STOX2: variants seen among roughly 807,000 people sequenced by gnomAD.
The protein encoded by STOX2 is storkhead-box protein 2.
In STOX2, 28 loss-of-function variants were observed where a neutral mutation model predicts 60.9. That is an observed-to-expected ratio of 0.46 (90% CI 0.34 to 0.63). The LOEUF (loss-of-function observed/expected upper bound fraction) is 0.63, where lower values mean the gene tolerates loss of function less well. STOX2 is among the 30% of genes least tolerant of loss of function. STOX2 has a pLI of 0.01. For missense variants in STOX2, 1,024 were observed against 1,187.7 expected, an observed-to-expected ratio of 0.86 and a Z score of 2.03; for synonymous variants, 472 against 463.9, an observed-to-expected ratio of 1.02 and a Z score of -0.22.
intron 1 of STOX2, among the ~76,000 whole-genome samples, chr4:183,975,054 T>TA (rs1732399472): frequency 2.6e-5 from 4 of 152,134 alleles, no homozygotes; most frequent in Admixed American, 2.6e-4. Flanking sequence ...TTGATAAATC[T>TA]CTAAATACTA....
intron 1 of STOX2, among the ~76,000 whole-genome samples, chr4:183,834,952 C>T (rs764189231): frequency 6.6e-5 from 10 of 152,034 alleles, no homozygotes; most frequent in Non-Finnish European, 8.8e-5. Context: ...CAAGAATTTC[C>T]GATGTTGGGG....
chr4:183,907,026 G>C, intron 1 of STOX2, 70 bp downstream of exon 1: 1 of 1,353,586 alleles, frequency 7.4e-7, no homozygotes, highest in Non-Finnish European at 9.9e-7. Context: ...CGCGGCCCGG[G>C]TGCTTGGAGG....
At chr4:183,880,414 C>A (rs1040236252) in intron 1 of STOX2, among the ~76,000 whole-genome samples, 1 of 151,138 alleles carries the variant, frequency 6.6e-6, no homozygotes, top group African/African-American at 2.4e-5. Context: ...ATCAACCAAC[C>A]AACCAACTGA....
intron 1 of STOX2, among the ~76,000 whole-genome samples, chr4:183,929,973 C>T (rs531795261): frequency 1.4e-3 from 210 of 152,166 alleles, no homozygotes; most frequent in African/African-American, 4.8e-3. Flanking sequence ...ACGCCATTCT[C>T]CTGCCTCAGC....
At chr4:183,960,406 C>G (rs1226453230) in intron 1 of STOX2, 2 of 152,196 alleles carry the variant, frequency 1.3e-5, no homozygotes, top group Non-Finnish European at 2.9e-5. Flanking sequence ...GGAAGTTTTA[C>G]AGCTGCCTTT....
intron 1 of STOX2, among the ~76,000 whole-genome samples, chr4:183,827,509 T>TAAAAA (rs375186608): frequency 1.3e-4 from 20 of 150,938 alleles, no homozygotes; most frequent in African/African-American, 4.9e-4. Context: ...AAAATAAAAA[T>TAAAAA]AAAAAAACAA....
intron 1 of STOX2, among the ~76,000 whole-genome samples, chr4:183,980,377 T>C (rs1732610392): frequency 6.6e-6 from 1 of 152,216 alleles, no homozygotes; most frequent in Non-Finnish European, 1.5e-5. Flanking sequence ...AAAATAACTA[T>C]ACTTTCACCA....
chr4:183,872,796 T>A (rs540968112), intron 1 of STOX2, among the ~76,000 whole-genome samples: 1 of 152,264 alleles, frequency 6.6e-6, no homozygotes, highest in East Asian at 1.9e-4. Context: ...ATTTTTTTTT[T>A]AATCCTGGGT....
intron 1 of STOX2, among the ~76,000 whole-genome samples, chr4:183,809,234 A>G (rs1000527572): frequency 1.3e-4 from 19 of 150,740 alleles, no homozygotes; most frequent in African/African-American, 1.7e-4. Flanking sequence ...GGCATGAGCC[A>G]CCACACCCAG....
chr4:183,883,116 A>T (rs557760581), intron 1 of STOX2, among the ~76,000 whole-genome samples: 1 of 152,166 alleles, frequency 6.6e-6, no homozygotes, highest in Admixed American at 6.5e-5. Context: ...TTTCATTTAT[A>T]TCCCCATCTA....
intron 1 of STOX2, among the ~76,000 whole-genome samples, chr4:183,850,292 A>T (rs1198479070): frequency 6.6e-6 from 1 of 152,076 alleles, no homozygotes; most frequent in Non-Finnish European, 1.5e-5. Context: ...TTAAATGCTC[A>T]AAAAGTTTAT....
chr4:183,881,285 G>A (rs771024843), intron 1 of STOX2, among the ~76,000 whole-genome samples: 29 of 152,084 alleles, frequency 1.9e-4, no homozygotes, highest in Non-Finnish European at 3.1e-4. Flanking sequence ...GGCGGATCCC[G>A]AGGTCAGGAG....
intron 1 of STOX2, among the ~76,000 whole-genome samples, chr4:183,879,740 G>A (rs968370571): frequency 1.3e-4 from 20 of 152,220 alleles, no homozygotes; most frequent in African/African-American, 4.3e-4. Flanking sequence ...AGGGTTAGTG[G>A]GAACCTGTTG....
chr4:183,889,253 C>T (rs1276065088), intron 1 of STOX2, among the ~76,000 whole-genome samples: 5 of 151,932 alleles, frequency 3.3e-5, no homozygotes, highest in Non-Finnish European at 7.4e-5. Flanking sequence ...GTAGGGTGGG[C>T]CCTCATCCAG....
intron 1 of STOX2, among the ~76,000 whole-genome samples, chr4:183,893,718 C>G (rs1165890417): frequency 6.6e-6 from 1 of 151,930 alleles, no homozygotes; most frequent in Non-Finnish European, 1.5e-5. Context: ...TCCTGTCTCC[C>G]CACTTAGATT....
At chr4:183,862,376 A>G (rs1740469634) in intron 1 of STOX2, among the ~76,000 whole-genome samples, 1 of 152,148 alleles carries the variant, frequency 6.6e-6, no homozygotes, top group Non-Finnish European at 1.5e-5. Flanking sequence ...GGGTTTCACC[A>G]TGTTGGCCAG....
intron 3 of STOX2, 116 bp from the exon 4 acceptor site, chr4:184,016,973 C>G: frequency 1.2e-6 from 1 of 834,584 alleles, no homozygotes; most frequent in South Asian, 1.9e-5. Context: ...ATTGATATGA[C>G]ATTATGAACC....
At chr4:183,961,555 T>C (rs1743414011) in intron 1 of STOX2, among the ~76,000 whole-genome samples, 1 of 152,216 alleles carries the variant, frequency 6.6e-6, no homozygotes, top group Admixed American at 6.5e-5. Context: ...TTTATTCTTT[T>C]ATATATTCAT....
intron 2 of STOX2, among the ~76,000 whole-genome samples, chr4:184,006,851 C>T (rs1337325055): frequency 6.6e-6 from 1 of 150,764 alleles, no homozygotes; most frequent in African/African-American, 2.4e-5. Context: ...CCCGTCTCTA[C>T]TAAAAATACA....
Sources: allele counts gnomAD v4.1 joint callset (sites outside exome capture counted in the v4.1 genomes callset), GRCh38; gene constraint gnomAD v4.1.1; transcripts MANE v1.5; gene names NCBI Gene and HGNC (gene_info 2026-07-23, HGNC 2026-07-21).